The following SAMMSON variants were observed in gnomAD, a reference collection of about 807,000 sequenced individuals.
SAMMSON encodes survival associated mitochondrial melanoma specific oncogenic non-coding RNA.
At chr3:70,188,405 A>T (rs1701107464) in intron 4 of SAMMSON, among the ~76,000 whole-genome samples, 1 of 152,222 alleles carries the variant, frequency 6.6e-6, no homozygotes, top group African/African-American at 2.4e-5. Context: ...ATAAGTGCTT[A>T]TTAAAATTAC....
At chr3:70,292,730 C>G (rs1258353183) in intron 7 of SAMMSON, among the ~76,000 whole-genome samples, 1 of 151,518 alleles carries the variant, frequency 6.6e-6, no homozygotes, top group African/African-American at 2.4e-5. Context: ...TCTTTGATCA[C>G]ACACACACAC....
At chr3:70,423,155 G>C (rs1203805310) in intron 2 of SAMMSON, among the ~76,000 whole-genome samples, 1 of 152,026 alleles carries the variant, frequency 6.6e-6, no homozygotes, top group African/African-American at 2.4e-5. Flanking sequence ...GACTGAGAAA[G>C]ATGAGACAAA....
At chr3:70,395,382 G>A (rs987542237) in intron 2 of SAMMSON, among the ~76,000 whole-genome samples, 1 of 130,864 alleles carries the variant, frequency 7.6e-6, no homozygotes, top group African/African-American at 3.0e-5. Context: ...GCACTCCTGT[G>A]CCTCTAAACT....
intron 2 of SAMMSON, among the ~76,000 whole-genome samples, chr3:70,408,623 C>A (rs1559583054): frequency 6.6e-6 from 1 of 152,110 alleles, no homozygotes; most frequent in African/African-American, 2.4e-5. Flanking sequence ...CAGCCTGGAC[C>A]TTATTGTCCA....
At chr3:70,247,244 A>G (rs1438681720) in intron 4 of SAMMSON, among the ~76,000 whole-genome samples, 2 of 151,892 alleles carry the variant, frequency 1.3e-5, no homozygotes, top group Admixed American at 6.6e-5. Flanking sequence ...TTCCATTTTG[A>G]GATATTCTTC....
chr3:70,274,176 AG>A (rs1272074641), intron 6 of SAMMSON, among the ~76,000 whole-genome samples: 1 of 150,864 alleles, frequency 6.6e-6, no homozygotes, highest in African/African-American at 2.4e-5. Context: ...ACATATGTGT[AG>A]GGGGTGGGGG....
chr3:70,296,766 G>A (rs1382464392), intron 7 of SAMMSON, among the ~76,000 whole-genome samples: 6 of 151,930 alleles, frequency 3.9e-5, no homozygotes. Context: ...CTATAAGCCC[G>A]ACTATCAGCT....
At chr3:70,022,978 A>G (rs1244589526) in intron 3 of SAMMSON, among the ~76,000 whole-genome samples, 1 of 152,202 alleles carries the variant, frequency 6.6e-6, no homozygotes, top group African/African-American at 2.4e-5. Flanking sequence ...AATTAAGACA[A>G]TGGTTAGAAG....
At chr3:70,359,010 G>A (rs1037783644) in intron 9 of SAMMSON, among the ~76,000 whole-genome samples, 3 of 151,940 alleles carry the variant, frequency 2.0e-5, no homozygotes, top group East Asian at 1.9e-4. Context: ...GAGTTGGCTC[G>A]CCAAGGATAG....
chr3:70,425,696 C>T (rs565441513), intron 2 of SAMMSON, among the ~76,000 whole-genome samples: 8 of 152,134 alleles, frequency 5.3e-5, no homozygotes, highest in African/African-American at 1.4e-4. Flanking sequence ...CATGAGCCAC[C>T]GTGCCCAAGT....
intron 9 of SAMMSON, among the ~76,000 whole-genome samples, chr3:70,365,909 T>A (rs1440971470): frequency 6.6e-6 from 1 of 151,552 alleles, no homozygotes; most frequent in Non-Finnish European, 1.5e-5. Context: ...TATATATTGA[T>A]TATTACAGTA....
chr3:70,321,602 A>T (rs1257563051), intron 7 of SAMMSON, among the ~76,000 whole-genome samples: 1 of 152,096 alleles, frequency 6.6e-6, no homozygotes, highest in African/African-American at 2.4e-5. Flanking sequence ...CAAATTAAAA[A>T]TTTTGAAGAG....
At chr3:70,348,886 C>A (rs1386472577) in intron 7 of SAMMSON, among the ~76,000 whole-genome samples, 1 of 152,042 alleles carries the variant, frequency 6.6e-6, no homozygotes, top group African/African-American at 2.4e-5. Flanking sequence ...CTAGATCTTA[C>A]GGTCTGAGCT....
intron 3 of SAMMSON, among the ~76,000 whole-genome samples, chr3:70,066,135 C>A (rs1009205173): frequency 2.0e-5 from 3 of 152,010 alleles, no homozygotes; most frequent in African/African-American, 7.2e-5. Context: ...CCAAGTTAGG[C>A]AAGAAAATCT....
At chr3:70,369,806 A>G (rs1231103815) in intron 9 of SAMMSON, among the ~76,000 whole-genome samples, 1 of 151,720 alleles carries the variant, frequency 6.6e-6, no homozygotes, top group African/African-American at 2.4e-5. Flanking sequence ...TATCATTTCT[A>G]TGTGTTGGGG....
In SAMMSON at chr3:70,069,092, A is replaced by G. The variant is rs574937959; in HGVS notation, n.418-2384A>G. ...TTTTCAAGATTTTGCGGGGATGCCT[A>G]CTGTGGTTAGGAACCCAGAGCTCAC... On this transcript the variant is annotated intron_variant and non_coding_transcript_variant, in intron 3 of 9. Coordinates refer to ENST00000642114, the Ensembl canonical transcript of SAMMSON. 2.6e-5 allele frequency: 4 copies of G among 152,182 alleles called. No homozygotes were observed. The South Asian group carries it at 8.3e-4, about 32-fold the overall frequency. The allele number at this position is 152,182 out of a possible 1,614,324, so 9.4% of individuals were successfully genotyped here. A position where few individuals can be genotyped will look rare whatever the true frequency, so the allele number is the denominator to read the frequency against.
chr3:70,224,243 T>C (rs1701483827), intron 4 of SAMMSON, among the ~76,000 whole-genome samples: 1 of 152,180 alleles, frequency 6.6e-6, no homozygotes, highest in African/African-American at 2.4e-5. Flanking sequence ...CCAGCCAAGG[T>C]TTCTACATGC....
chr3:70,355,129 A>G (rs546001825), intron 8 of SAMMSON, among the ~76,000 whole-genome samples: 5 of 152,318 alleles, frequency 3.3e-5, no homozygotes, highest in Admixed American at 6.5e-5. Context: ...AGGAGACTTC[A>G]GGTCTCTTCT....
At chr3:70,090,285 T>A (rs1360327936) in intron 4 of SAMMSON, among the ~76,000 whole-genome samples, 1 of 152,198 alleles carries the variant, frequency 6.6e-6, no homozygotes, top group Non-Finnish European at 1.5e-5. Context: ...GGGTGGCAAA[T>A]ACCATCTGAG....
Sources: allele counts gnomAD v4.1 joint callset (sites outside exome capture counted in the v4.1 genomes callset), GRCh38; gene constraint gnomAD v4.1.1; transcripts MANE v1.5; gene names NCBI Gene and HGNC (gene_info 2026-07-23, HGNC 2026-07-21).